HNRNPA1: variants seen among roughly 807,000 people sequenced by gnomAD.
HNRNPA1 encodes heterogeneous nuclear ribonucleoprotein A1, also known as epididymis secretory sperm binding protein.
HNRNPA1 carries 7 observed loss-of-function variants against 44.4 expected under a neutral mutation model. That is an observed-to-expected ratio of 0.16 (90% confidence interval 0.09 to 0.30). The LOEUF (loss-of-function observed/expected upper bound fraction) is 0.30, where lower values mean the gene tolerates loss of function less well. HNRNPA1 is among the 10% of genes least tolerant of loss of function. The pLI is 1.00. For missense variants in HNRNPA1, 193 were observed against 465.8 expected (o/e 0.41, Z 5.39); for synonymous variants, 169 against 160.6 (o/e 1.05, Z -0.40).
At chr12:54,284,342 T>C (rs1026348474) in intron 10 of HNRNPA1, 25 bp downstream of exon 10, 8 of 1,603,954 alleles carry the variant, frequency 5.0e-6, no homozygotes, top group African/African-American at 2.7e-5. Context: ...TTTTGTGTGT[T>C]GACATAATTT....
chr12:54,282,337 C>T (rs1944186490), intron 4 of HNRNPA1, 37 bp downstream of exon 4: 2 of 1,609,796 alleles, frequency 1.2e-6, no homozygotes, highest in East Asian at 2.2e-5. Context: ...AAGGGTTCCA[C>T]AATCTGTATG....
At position 54,282,559 on chromosome 12, in the gene HNRNPA1, C is replaced by T; in HGVS notation, c.584-14C>T. 2 of 1,613,336 alleles carry T rather than the reference C, an allele frequency of 1.2e-6. No homozygotes were observed. Among genetic ancestry groups the T allele is most frequent in the Non-Finnish European group, 1.7e-6 (2 of 1,179,386 alleles). ...CAGTATGAATGATTTAATGCTTAAACTTCATGTCTTAAGGTCGAAGTGGTT... is the reference window on the plus strand; with the variant it reads ...CAGTATGAATGATTTAATGCTTAAATTTCATGTCTTAAGGTCGAAGTGGTT... On this transcript the variant is annotated splice_polypyrimidine_tract_variant and intron_variant, in intron 5 of 10. Transcript: ENST00000340913.
At chr12:54,281,323 T>G in intron 1 of HNRNPA1, 63 bp from the exon 2 acceptor site, 1 of 924,690 alleles carries the variant, frequency 1.1e-6, no homozygotes, top group Non-Finnish European at 1.7e-6. Flanking sequence ...AGTTTTTCTT[T>G]TCCTCGATGG....
In HNRNPA1 at chr12:54,284,560, TAGC is replaced by T. The variant is rs1403395659; in HGVS notation, c.*19_*21del. The T allele has an allele frequency of 1.4e-6, 1 of 719,426 alleles. No individual in the cohort carries two copies. The highest frequency in any genetic ancestry group is 1.7e-5 in the African/African-American group (1 of 57,366). The allele number at this position is 719,426 out of a possible 1,614,324, so 44.6% of individuals were successfully genotyped here. ...ATATTGTTCAACAGGAAACAAAGCT[TAGC>T]AGGAGAGGAGAGCCAGAGAAGTGAC... On this transcript the variant is annotated 3_prime_UTR_variant, in exon 11 of 11. Transcript: ENST00000340913.
At chr12:54,284,502 G>A (rs1313501614) in intron 10 of HNRNPA1, 47 bp from the exon 11 acceptor site, 1 of 722,624 alleles carries the variant, frequency 1.4e-6, no homozygotes, top group Non-Finnish European at 2.5e-6. Context: ...GTAGCCTTGA[G>A]TCTTAATATG....
chr12:54,281,201 TGC>T, intron 1 of HNRNPA1, 183 bp from the exon 2 acceptor site: 1 of 698,684 alleles, frequency 1.4e-6, no homozygotes, highest in South Asian at 1.5e-5. Context: ...CGCATGCGCT[TGC>T]GATTTCCTAG....
In HNRNPA1 at chr12:54,286,647, T is replaced by G. The variant is rs1367078377; in HGVS notation, c.*2103T>G. The G allele has an allele frequency of 6.6e-6, 1 of 152,162 alleles. No homozygotes were observed. The highest frequency in any genetic ancestry group is 1.5e-5 in the Non-Finnish European group (1 of 68,020). The allele number at this position is 152,162 out of a possible 1,614,324, so 9.4% of individuals were successfully genotyped here. A position where few individuals can be genotyped will look rare whatever the true frequency, so the allele number is the denominator to read the frequency against. ...TGGTCTTAGAGCTAGTTCTAAAGGT[T>G]GTTTACTTTTCTAGGGAGGAGTCTG... On this transcript the variant is annotated 3_prime_UTR_variant, in exon 11 of 11. Coordinates refer to ENST00000340913, the MANE Select transcript of HNRNPA1 (RefSeq NM_031157.4).
rs773851690 is a variant in HNRNPA1 at position 54,282,377 on chromosome 12, CTA to C, written c.491-15_491-14del. The C allele has an allele frequency of 5.0e-5, 80 of 1,608,548 alleles. No homozygotes were observed. Among genetic ancestry groups the C allele is most frequent in the African/African-American group, 1.2e-4 (9 of 74,692 alleles). On this transcript the variant is annotated splice_polypyrimidine_tract_variant and intron_variant, in intron 4 of 10. Transcript: ENST00000340913. ...TCTAAACCCTGATACCATGTTGTAT[CTA>C]TGTTTTTTTTTTAGTTCAGAAATAC...
At position 54,285,307 on chromosome 12, in the gene HNRNPA1, C is replaced by T. The variant is rs1396951544; in HGVS notation, c.*763C>T. ...GATTTGGACTTTCCCTACCCACTCC[C>T]CCTGATAATAATGTTGAATGCTTCT... On this transcript the variant is annotated 3_prime_UTR_variant, in exon 11 of 11. Transcript: ENST00000340913. The T allele has an allele frequency of 1.3e-5, 2 of 152,230 alleles. No individual in the cohort carries two copies. Among genetic ancestry groups the T allele is most frequent in the Admixed American group, 6.5e-5 (1 of 15,280 alleles). 9.4% of individuals were successfully genotyped at this position (152,230 alleles called of 1,614,324 possible).
In HNRNPA1 at chr12:54,283,851, G is replaced by A. The variant is rs1451938463; in HGVS notation, c.947G>A (p.Gly316Glu). ...GGTGGTGGAAGCTACAATGATTTTG[G>A]GAATTACAACAATCAGTCTTCAAAT... Reference protein sequence around the residue: ...FGGGGSYNDFGNYNNQSSNFG... With the variant: ...FGGGGSYNDFENYNNQSSNFG... The change falls in exon 9 of 11, where the codon GGG (glycine) becomes GAG (glutamate). Residue 316 changes from glycine to glutamate, a missense_variant. Coordinates refer to ENST00000340913, the MANE Select transcript of HNRNPA1 (RefSeq NM_031157.4). The A allele has an allele frequency of 6.2e-7, 1 of 1,613,852 alleles. No homozygotes were observed.
chr12:54,285,986 T>TA lies in HNRNPA1; in HGVS notation c.*1443dup, dbSNP rs1184466016. On this transcript the variant is annotated 3_prime_UTR_variant, in exon 11 of 11. Transcript: ENST00000340913. Reference sequence around the variant, plus strand: ...CCTAACTATTGAGGGAGTTTGCAGATACCTCAGGATTCGTGACAATGCCTT... The same window carrying TA: ...CCTAACTATTGAGGGAGTTTGCAGATAACCTCAGGATTCGTGACAATGCCTT... The TA allele has an allele frequency of 6.6e-6, 1 of 152,152 alleles. No homozygotes were observed. 9.4% of individuals were successfully genotyped at this position (152,152 alleles called of 1,614,324 possible). A position where few individuals can be genotyped will look rare whatever the true frequency, so the allele number is the denominator to read the frequency against.
intron 1 of HNRNPA1, 153 bp from the exon 2 acceptor site, chr12:54,281,233 C>T: frequency 1.1e-5 from 8 of 714,466 alleles, no homozygotes; most frequent in South Asian, 9.2e-5. Context: ...CTCCAGCATA[C>T]GGCCTCCCTT....
Position 54,284,982 on chromosome 12 carries a change from A to T in HNRNPA1, c.*438A>T, listed in dbSNP as rs113736551. The stretch of plus-strand genomic sequence containing the variant: ...AGGGTGATGCCAGGTTCTATTTGGA[A>T]TTTATATACAACCTGCTTGGGTGGA... On this transcript the variant is annotated 3_prime_UTR_variant, in exon 11 of 11. Transcript: ENST00000340913. 5.5e-3 allele frequency: 1,158 copies of T among 210,182 alleles called. 14 individuals are homozygous for T. The highest frequency in any genetic ancestry group is 0.025 in the African/African-American group (1,072 of 42,666). 13.0% of individuals were successfully genotyped at this position (210,182 alleles called of 1,614,324 possible).
rs1250368312 is a variant in HNRNPA1 at position 54,286,228 on chromosome 12, C to CT, written c.*1685dup. On this transcript the variant is annotated 3_prime_UTR_variant, in exon 11 of 11. Coordinates refer to ENST00000340913, the MANE Select transcript of HNRNPA1 (RefSeq NM_031157.4). ...GGAGGCAGACAAGAGTAAGGCACAC[C>CT]TGACTCTTAGGACTAGCAGTCAGAA... The CT allele has an allele frequency of 6.6e-6, 1 of 152,132 alleles. No homozygotes were observed. Among genetic ancestry groups the CT allele is most frequent in the Non-Finnish European group, 1.5e-5 (1 of 68,030 alleles). 9.4% of individuals were successfully genotyped at this position (152,132 alleles called of 1,614,324 possible).
At position 54,287,067 on chromosome 12, in the gene HNRNPA1, T is replaced by A. The variant is rs902350264; in HGVS notation, c.*2523T>A. 1.2e-4 allele frequency: 18 copies of A among 152,214 alleles called. No homozygotes were observed. The highest frequency in any genetic ancestry group is 4.1e-4 in the South Asian group (2 of 4,830). The allele number at this position is 152,214 out of a possible 1,614,324, so 9.4% of individuals were successfully genotyped here. ...CATTTTGTGAATGGGTTTTTTTTTT[T>A]AATAAACTGTATTTAACTTAGTTCT... On this transcript the variant is annotated 3_prime_UTR_variant, in exon 11 of 11. Coordinates refer to ENST00000340913, the MANE Select transcript of HNRNPA1 (RefSeq NM_031157.4).
Position 54,284,647 on chromosome 12 carries a change from C to T in HNRNPA1, c.*103C>T. 1.7e-6 allele frequency: 1 copy of T among 573,926 alleles called. No individual in the cohort carries two copies. The highest frequency in any genetic ancestry group is 3.3e-6 in the Non-Finnish European group (1 of 303,176). The allele number at this position is 573,926 out of a possible 1,614,324, so 35.6% of individuals were successfully genotyped here. On this transcript the variant is annotated 3_prime_UTR_variant, in exon 11 of 11. Transcript: ENST00000340913. Reference sequence around the variant, plus strand: ...TCAGCCAAGCACAGTGGTGGCAGGGCCTAGCTGCTACAAAGAAGACATGTT... The same window carrying T: ...TCAGCCAAGCACAGTGGTGGCAGGGTCTAGCTGCTACAAAGAAGACATGTT...
intron 1 of HNRNPA1, 113 bp from the exon 2 acceptor site, chr12:54,281,273 C>T (rs925840337): frequency 5.0e-5 from 37 of 735,546 alleles, no homozygotes; most frequent in South Asian, 9.4e-5. Flanking sequence ...CTTGTTGCGA[C>T]CTGAACGAAC....
At position 54,286,438 on chromosome 12, in the gene HNRNPA1, G is replaced by A. The variant is rs940266064; in HGVS notation, c.*1894G>A. 2.0e-5 allele frequency: 3 copies of A among 152,128 alleles called. No individual in the cohort carries two copies. Among genetic ancestry groups the A allele is most frequent in the African/African-American group, 7.2e-5 (3 of 41,414 alleles). The allele number at this position is 152,128 out of a possible 1,614,324, so 9.4% of individuals were successfully genotyped here. On this transcript the variant is annotated 3_prime_UTR_variant, in exon 11 of 11. Transcript: ENST00000340913. ...TGTTTTAAATTGACACCCTATTGATGGCTCCCAGTTGAAGGAAGTGAGCAC... is the reference window on the plus strand; with the variant it reads ...TGTTTTAAATTGACACCCTATTGATAGCTCCCAGTTGAAGGAAGTGAGCAC...
intron 3 of HNRNPA1, 61 bp downstream of exon 3, chr12:54,282,002 T>TC: frequency 1.2e-6 from 2 of 1,602,364 alleles, no homozygotes; most frequent in Non-Finnish European, 1.7e-6. Context: ...GCTATGGACT[T>TC]AAGATTCGGG....
Sources: allele counts gnomAD v4.1 joint callset, GRCh38; gene constraint gnomAD v4.1.1; transcripts MANE v1.5; gene names NCBI Gene and HGNC (gene_info 2026-07-23, HGNC 2026-07-21).